The following PCGF3 variants were observed in gnomAD, a reference collection of about 807,000 sequenced individuals.
PCGF3 encodes polycomb group ring finger 3, also known as polycomb group RING finger protein 3.
In PCGF3, 7 loss-of-function variants were observed where a neutral mutation model predicts 33.1. The observed-to-expected ratio is 0.21, with a 90% CI of 0.12 to 0.40. PCGF3 has a LOEUF of 0.40. PCGF3 is among the 10% of genes least tolerant of loss of function. The pLI is 1.00. For synonymous variants in PCGF3, 153 were observed against 121.3 expected, an observed-to-expected ratio of 1.26 and a Z score of -1.72; for missense variants, 211 against 313.3, an observed-to-expected ratio of 0.67 and a Z score of 2.46.
intron 8 of PCGF3, among the ~76,000 whole-genome samples, chr4:754,105 T>C (rs1227307601): frequency 1.3e-5 from 2 of 152,102 alleles, no homozygotes. Flanking sequence ...CGTGCAGAGT[T>C]AGGAAACCCT....
At chr4:734,004 T>C (rs1369927852) in intron 4 of PCGF3, 1 of 1,550,856 alleles carries the variant, frequency 6.4e-7, no homozygotes, top group African/African-American at 1.4e-5. Context: ...AGGCCTCGCT[T>C]AGGAGAGCGA....
intron 1 of PCGF3, among the ~76,000 whole-genome samples, chr4:713,540 G>A (rs1213357948): frequency 1.3e-5 from 2 of 150,698 alleles, no homozygotes; most frequent in South Asian, 2.1e-4. Context: ...GGTCCTGTGT[G>A]GCCTCGTCAG....
chr4:716,282 C>T (rs1742832747), intron 1 of PCGF3, among the ~76,000 whole-genome samples: 1 of 137,060 alleles, frequency 7.3e-6, no homozygotes, highest in Admixed American at 7.2e-5. Flanking sequence ...ACCCTGTAGA[C>T]ACTGAGTGTG....
At chr4:769,113 C>T (rs912199052) in exon 11 of PCGF3, 5 of 152,722 alleles carry the variant, frequency 3.3e-5, no homozygotes, top group East Asian at 1.9e-4. Flanking sequence ...GGGGCCACCT[C>T]AGTCCTGCCT....
Position 714,201 on chromosome 4 carries a change from C to G in PCGF3, c.-190+8231C>G, listed in dbSNP as rs375340811. On this transcript the variant is annotated intron_variant, in intron 1 of 10. Coordinates refer to ENST00000362003, the Ensembl canonical transcript of PCGF3. Reference sequence around the variant, plus strand: ...CTGCGAGCGCCTTGATTCTGGACTCCCAGCCTGCAGAACTGAGAGGTGCGT... The same window carrying G: ...CTGCGAGCGCCTTGATTCTGGACTCGCAGCCTGCAGAACTGAGAGGTGCGT... 3.3e-5 allele frequency among the ~76,000 whole-genome samples: 5 copies of G among 152,324 alleles called. No individual in the cohort carries two copies. In the South Asian group the frequency reaches 1.0e-3, roughly 32 times the overall value.
intron 7 of PCGF3, 98 bp downstream of exon 7, chr4:743,682 A>T: frequency 1.4e-6 from 1 of 708,026 alleles, no homozygotes; most frequent in Non-Finnish European, 2.5e-6. Context: ...TCCCACACGC[A>T]CTCACGGGAG....
At chr4:768,353 G>A (rs532053836) in exon 11 of PCGF3, 8 of 152,546 alleles carry the variant, frequency 5.2e-5, no homozygotes, top group South Asian at 4.1e-4. Context: ...TGGCCCTGCC[G>A]TCTGTGGAGC....
chr4:760,435 C>T (rs1295341158), intron 8 of PCGF3, among the ~76,000 whole-genome samples: 1 of 96,292 alleles, frequency 1.0e-5, no homozygotes, highest in Admixed American at 9.7e-5. Context: ...CAGCCATCCA[C>T]TGAGATGTTA....
chr4:747,514 GC>G lies in PCGF3; in HGVS notation c.462+2827del, dbSNP rs1313511089. On this transcript the variant is annotated intron_variant, in intron 8 of 10. Coordinates refer to ENST00000362003, the Ensembl canonical transcript of PCGF3. Reference sequence around the variant, plus strand: ...GCCCGGGGGTCGCTGCAGTGTTAGTGCTCGCCGTGGAGGCGTGAGCAGGTGG... The same window carrying G: ...GCCCGGGGGTCGCTGCAGTGTTAGTGTCGCCGTGGAGGCGTGAGCAGGTGG... 2.1e-3 allele frequency among the ~76,000 whole-genome samples: 32 copies of G among 15,602 alleles called. 15 individuals are homozygous for G. The highest frequency in any genetic ancestry group is 4.9e-3 in the African/African-American group (14 of 2,840). 10.2% of individuals were successfully genotyped at this position (15,602 alleles called of 152,430 possible). A position where few individuals can be genotyped will look rare whatever the true frequency, so the allele number is the denominator to read the frequency against.
intron 7 of PCGF3, 133 bp from the exon 8 acceptor site, chr4:744,467 G>T (rs543528200): frequency 1.5e-6 from 1 of 687,946 alleles, no homozygotes; most frequent in Non-Finnish European, 2.5e-6. Context: ...TTCCTTTGAC[G>T]CTTACTCCGC....
rs574789365 is a variant in PCGF3, at chr4:737,205, G to C, written c.207-261G>C. Among the ~76,000 whole-genome samples the C allele has an allele frequency of 6.6e-5, 10 of 152,352 alleles. No homozygotes were observed. In the South Asian group the frequency reaches 2.1e-3, roughly 32 times the overall value. On this transcript the variant is annotated intron_variant, in intron 5 of 10. Transcript: ENST00000362003. ...CGTGGGGAATCTGGGGTGTCCGGCA[G>C]ACAGAAGCACGGGTTCCCAGAAGAG... is the stretch of plus-strand genomic sequence containing the variant.
intron 1 of PCGF3, among the ~76,000 whole-genome samples, chr4:714,221 G>A (rs1307641679): frequency 6.6e-6 from 1 of 152,230 alleles, no homozygotes; most frequent in East Asian, 1.9e-4. Flanking sequence ...GAACTGAGAG[G>A]TGCGTTCTGT....
chr4:753,363 G>C (rs1744611349), intron 8 of PCGF3, among the ~76,000 whole-genome samples: 1 of 151,846 alleles, frequency 6.6e-6, no homozygotes, highest in Non-Finnish European at 1.5e-5. Context: ...TAATGTTTAA[G>C]AAGACTCTTG....
At chr4:719,019 A>G (rs1270201530) in intron 1 of PCGF3, among the ~76,000 whole-genome samples, 2 of 151,736 alleles carry the variant, frequency 1.3e-5, no homozygotes, top group African/African-American at 2.4e-5. Flanking sequence ...TAATGGCACT[A>G]TCTTGGCTCA....
intron 7 of PCGF3, 198 bp downstream of exon 7, chr4:743,782 A>C: frequency 2.0e-6 from 1 of 507,566 alleles, no homozygotes; most frequent in East Asian, 3.4e-5. Flanking sequence ...GCAGAGGGGA[A>C]AAGCCAGCAG....
chr4:724,764 C>G (rs1313750056), intron 1 of PCGF3, among the ~76,000 whole-genome samples: 1 of 152,188 alleles, frequency 6.6e-6, no homozygotes, highest in East Asian at 1.9e-4. Context: ...CGCCACTGCA[C>G]TCCAGCCTGG....
exon 11 of PCGF3, chr4:766,246 C>T: frequency 2.1e-5 from 13 of 604,854 alleles, no homozygotes; most frequent in Middle Eastern, 3.0e-4. Context: ...ACACTACCAG[C>T]ACCACGTTTA....
intron 1 of PCGF3, among the ~76,000 whole-genome samples, 165 bp from the exon 2 acceptor site, chr4:730,465 G>T (rs1040287855): frequency 6.6e-6 from 1 of 152,080 alleles, no homozygotes; most frequent in South Asian, 2.1e-4. Flanking sequence ...AGACCAGCCC[G>T]TGTCTCCCGG....
intron 6 of PCGF3, among the ~76,000 whole-genome samples, chr4:738,571 C>T (rs551822651): frequency 2.6e-5 from 4 of 151,696 alleles, no homozygotes; most frequent in South Asian, 2.1e-4. Flanking sequence ...CGTTTGTGGC[C>T]GGGTGCAGTG....
Sources: gnomAD v4.1 joint callset for allele counts (sites outside exome capture counted in the v4.1 genomes callset) on GRCh38, gnomAD v4.1.1 for gene constraint, MANE v1.5 for transcripts, NCBI Gene and HGNC (gene_info 2026-07-23, HGNC 2026-07-21) for gene names.